The following SLC26A7 variants were observed in gnomAD, a reference collection of about 807,000 sequenced individuals.
The protein encoded by SLC26A7 is solute carrier family 26 member 7, also known as anion exchange transporter.
Under a neutral mutation model 82.5 loss-of-function variants are expected in SLC26A7, and 59 were observed. That is an observed-to-expected ratio of 0.72 (90% CI 0.58 to 0.89). The LOEUF (loss-of-function observed/expected upper bound fraction) is 0.89. Among genes scored for constraint, SLC26A7 ranks in the 40% least tolerant of loss-of-function variants. SLC26A7 has a pLI of 0.00. For missense variants in SLC26A7, 820 were observed against 793.0 expected (o/e 1.03, Z -0.41); for synonymous variants, 271 against 274.3 (o/e 0.99, Z 0.12).
chr8:91,302,897 G>A (rs1043770224), intron 4 of SLC26A7, among the ~76,000 whole-genome samples: 3 of 145,628 alleles, frequency 2.1e-5, no homozygotes, highest in African/African-American at 7.9e-5. Context: ...TATTGCCATG[G>A]TTTTATAACA....
In SLC26A7 at chr8:91,375,479, A is replaced by G. The variant is rs569515717; in HGVS notation, c.1675+5646A>G. The stretch of plus-strand genomic sequence containing the variant: ...GAGAAAGACTATTTCTCCTTCTTTT[A>G]TGAAGCTTAGTTTGATAGAATATAA... On this transcript the variant is annotated intron_variant, in intron 15 of 18. Coordinates refer to ENST00000276609, the MANE Select transcript of SLC26A7 (RefSeq NM_052832.4). Among the ~76,000 whole-genome samples the G allele has an allele frequency of 7.9e-5, 12 of 151,682 alleles. No individual in the cohort carries two copies. In the South Asian group the frequency reaches 8.3e-4, roughly 10 times the overall value.
intron 2 of SLC26A7, among the ~76,000 whole-genome samples, chr8:91,254,414 A>G (rs1586325189): frequency 1.3e-5 from 2 of 152,250 alleles, no homozygotes; most frequent in East Asian, 3.9e-4. Context: ...ATTTTGTTGA[A>G]ATGCCTCAAA....
chr8:91,223,483 C>T (rs1810190185), intron 2 of SLC26A7, among the ~76,000 whole-genome samples: 1 of 152,112 alleles, frequency 6.6e-6, no homozygotes, highest in South Asian at 2.1e-4. Flanking sequence ...TATAAATTTC[C>T]CTCTTAACAC....
chr8:91,222,080 G>A (rs1429018656), intron 2 of SLC26A7, among the ~76,000 whole-genome samples: 1 of 151,936 alleles, frequency 6.6e-6, no homozygotes, highest in Non-Finnish European at 1.5e-5. Context: ...CTTGAAGAGG[G>A]CTTTCATGTC....
chr8:91,291,845 T>C (rs541768146), intron 3 of SLC26A7, among the ~76,000 whole-genome samples: 1 of 152,342 alleles, frequency 6.6e-6, no homozygotes, highest in South Asian at 2.1e-4. Flanking sequence ...CATTCAACAT[T>C]AAAGCCGGAG....
chr8:91,333,571 A>G (rs1208115538), intron 5 of SLC26A7, among the ~76,000 whole-genome samples: 3 of 152,002 alleles, frequency 2.0e-5, no homozygotes, highest in Non-Finnish European at 4.4e-5. Flanking sequence ...ATCTTCTTTG[A>G]GAAGGACCCA....
chr8:91,269,302 T>C (rs1811203645), intron 2 of SLC26A7, among the ~76,000 whole-genome samples: 1 of 152,110 alleles, frequency 6.6e-6, no homozygotes, highest in East Asian at 1.9e-4. Flanking sequence ...CTCATCTTGT[T>C]TGTGTGGTAG....
rs751699504 is a variant in SLC26A7 at position 91,396,641 on chromosome 8, T to A, written c.*1544T>A. On this transcript the variant is annotated 3_prime_UTR_variant, in exon 19 of 19. Coordinates refer to ENST00000276609, the MANE Select transcript of SLC26A7 (RefSeq NM_052832.4). The stretch of plus-strand genomic sequence containing the variant: ...GATTGAAATGAACTACAAAGAATAG[T>A]GTTTGTCCCTATGGTAGCCTCAGTC... 6 of 152,000 alleles carry A rather than the reference T, an allele frequency of 3.9e-5. No homozygotes were observed. Among genetic ancestry groups the A allele is most frequent in the African/African-American group, 7.2e-5 (3 of 41,438 alleles). 9.4% of individuals were successfully genotyped at this position (152,000 alleles called of 1,614,324 possible).
chr8:91,337,564 G>T (rs1004815620), intron 6 of SLC26A7, among the ~76,000 whole-genome samples: 2 of 152,086 alleles, frequency 1.3e-5, no homozygotes, highest in Non-Finnish European at 2.9e-5. Flanking sequence ...AGAAGGATAG[G>T]GTATCTGAAA....
At chr8:91,243,066 A>G (rs1436042600) in intron 2 of SLC26A7, among the ~76,000 whole-genome samples, 2 of 152,314 alleles carry the variant, frequency 1.3e-5, no homozygotes, top group East Asian at 3.9e-4. Context: ...TTAAAATTTA[A>G]TTGTGCGGTA....
chr8:91,295,486 A>T (rs748656427), intron 3 of SLC26A7, 45 bp from the exon 4 acceptor site: 1 of 1,574,904 alleles, frequency 6.3e-7, no homozygotes, highest in South Asian at 1.2e-5. Context: ...TTGAGCCTTT[A>T]AATCAAATTA....
chr8:91,320,169 TCTC>T (rs1812751818), intron 5 of SLC26A7, among the ~76,000 whole-genome samples: 1 of 152,078 alleles, frequency 6.6e-6, no homozygotes, highest in African/African-American at 2.4e-5. Flanking sequence ...TTCAAGCAAT[TCTC>T]CTGCCTCAGC....
At chr8:91,292,455 T>G (rs903941303) in intron 3 of SLC26A7, among the ~76,000 whole-genome samples, 2 of 152,162 alleles carry the variant, frequency 1.3e-5, no homozygotes, top group Non-Finnish European at 2.9e-5. Context: ...TATACAGAAC[T>G]TACTTCTCTT....
chr8:91,312,160 C>G (rs1216545243), intron 4 of SLC26A7, among the ~76,000 whole-genome samples: 2 of 152,148 alleles, frequency 1.3e-5, no homozygotes, highest in South Asian at 4.1e-4. Flanking sequence ...TACTTTATGT[C>G]TCTGTGATTT....
At chr8:91,214,737 C>T (rs1346663629) in intron 1 of SLC26A7, among the ~76,000 whole-genome samples, 6 of 152,028 alleles carry the variant, frequency 3.9e-5, no homozygotes, top group South Asian at 4.1e-4. Flanking sequence ...TAATTTGGAA[C>T]ATGATAACAG....
chr8:91,344,006 G>A (rs1346774875), intron 9 of SLC26A7: 1 of 965,690 alleles, frequency 1.0e-6, no homozygotes, highest in Admixed American at 6.2e-5. Context: ...CTGGGTACTG[G>A]TAAGATGATG....
At chr8:91,209,840 T>C (rs1563627314) in intron 1 of SLC26A7, among the ~76,000 whole-genome samples, 2 of 152,204 alleles carry the variant, frequency 1.3e-5, no homozygotes, top group African/African-American at 4.8e-5. Context: ...TTTAAACAAC[T>C]AGAAGATGGG....
intron 2 of SLC26A7, among the ~76,000 whole-genome samples, chr8:91,263,062 C>T (rs1385301601): frequency 6.6e-6 from 1 of 151,940 alleles, no homozygotes; most frequent in Non-Finnish European, 1.5e-5. Flanking sequence ...CAAGGTTTTT[C>T]AATTGCAACA....
chr8:91,210,402 C>A (rs932666998), intron 1 of SLC26A7, among the ~76,000 whole-genome samples: 11 of 152,012 alleles, frequency 7.2e-5, no homozygotes, highest in African/African-American at 2.7e-4. Flanking sequence ...ACCATTACTC[C>A]CAATAGCTAT....
Sources: gnomAD v4.1 joint callset for allele counts (sites outside exome capture counted in the v4.1 genomes callset) on GRCh38, gnomAD v4.1.1 for gene constraint, MANE v1.5 for transcripts, NCBI Gene and HGNC (gene_info 2026-07-23, HGNC 2026-07-21) for gene names.